The following SP140L variants were observed in gnomAD, a reference collection of about 807,000 sequenced individuals.
SP140L encodes nuclear body protein SP140-like protein.
Under a neutral mutation model 84.3 loss-of-function variants are expected in SP140L, and 64 were observed. The ratio of observed to expected loss-of-function variants is 0.76; its 90% CI spans 0.62 to 0.94. The LOEUF (loss-of-function observed/expected upper bound fraction) is 0.94, where lower values mean the gene tolerates loss of function less well. Ranked by LOEUF, SP140L falls within the 40% of genes least tolerant of loss-of-function variation. SP140L has a pLI of 0.00. For missense variants in SP140L, 628 were observed against 692.5 expected (o/e 0.91, Z 1.05); for synonymous variants, 242 against 236.9 (o/e 1.02, Z -0.20).
At chr2:230,368,526 C>A (rs571838509) in intron 5 of SP140L, among the ~76,000 whole-genome samples, 2 of 152,264 alleles carry the variant, frequency 1.3e-5, no homozygotes, top group African/African-American at 4.8e-5. Context: ...ATGCTATTAT[C>A]TCTTTAAATA....
intron 13 of SP140L, among the ~76,000 whole-genome samples, chr2:230,393,750 G>C (rs1302198047): frequency 6.6e-6 from 1 of 152,154 alleles, no homozygotes; most frequent in Admixed American, 6.6e-5. Context: ...TGTTGTAAGA[G>C]TGTCAAAGTT....
intron 9 of SP140L, among the ~76,000 whole-genome samples, chr2:230,388,196 A>T (rs946569342): frequency 6.6e-6 from 1 of 152,194 alleles, no homozygotes; most frequent in South Asian, 2.1e-4. Context: ...TGTTTAACAT[A>T]TATTATATGC....
At chr2:230,385,343 G>A (rs758900274) in intron 9 of SP140L, 39 bp downstream of exon 9, 3 of 1,590,564 alleles carry the variant, frequency 1.9e-6, no homozygotes, top group Non-Finnish European at 1.7e-6. Flanking sequence ...TTGCCCTGCA[G>A]GTCAATGCAC....
intron 1 of SP140L, among the ~76,000 whole-genome samples, chr2:230,328,083 G>A (rs4972947): frequency 0.27 from 41,597 of 151,882 alleles, 6,481 homozygotes; most frequent in East Asian, 0.58. Flanking sequence ...TTTGAGACAG[G>A]GTCTCACTCT....
chr2:230,400,605 T>A, intron 15 of SP140L: 1 of 506,534 alleles, frequency 2.0e-6, no homozygotes, highest in Non-Finnish European at 3.6e-6. Flanking sequence ...GGAAGCACGG[T>A]CTTAGGCGGA....
Position 230,357,839 on chromosome 2 carries a change from C to T in SP140L, c.142C>T (p.Leu48Phe). The change falls in exon 3 of 19, where the codon CTT becomes TTT. Residue 48 changes from leucine to phenylalanine, a missense_variant. Physicochemically the swap from Leu to Phe is conservative, Grantham distance 22 (BLOSUM62 0). This residue lies in a region of SP140L where 525 missense variants were observed against 518.4 expected (regional missense o/e 1.01). Coordinates refer to ENST00000415673, the MANE Select transcript of SP140L (RefSeq NM_138402.6). The stretch of plus-strand genomic sequence containing the variant: ...GGAAGACCAGGATGTAGATGAGGGA[C>T]TTGTCTATGACACTGTATTCAAGCA... ...FTEDQDVDEG[L>F]VYDTVFKHFK... 3 of 1,613,382 alleles carry T rather than the reference C, an allele frequency of 1.9e-6. No individual in the cohort carries two copies. Among genetic ancestry groups the T allele is most frequent in the Non-Finnish European group, 1.7e-6 (2 of 1,179,758 alleles).
At chr2:230,327,976 G>A (rs757963675) in intron 1 of SP140L, among the ~76,000 whole-genome samples, 1 of 152,196 alleles carries the variant, frequency 6.6e-6, no homozygotes, top group African/African-American at 2.4e-5. Flanking sequence ...CCAAGATGGG[G>A]GATGCCTCTG....
chr2:230,398,835 C>T (rs1364258115), intron 14 of SP140L, among the ~76,000 whole-genome samples: 1 of 152,228 alleles, frequency 6.6e-6, no homozygotes, highest in Non-Finnish European at 1.5e-5. Context: ...GGAGGGTGGG[C>T]TGTCCCCGGC....
chr2:230,364,624 C>G (rs1370643807), intron 5 of SP140L, among the ~76,000 whole-genome samples: 2 of 152,020 alleles, frequency 1.3e-5, no homozygotes, highest in Non-Finnish European at 2.9e-5. Flanking sequence ...CTTTGGATGT[C>G]TTTTATTTCT....
intron 2 of SP140L, 59 bp from the exon 3 acceptor site, chr2:230,357,746 T>C (rs945813151): frequency 5.2e-6 from 8 of 1,537,820 alleles, no homozygotes; most frequent in Non-Finnish European, 7.1e-6. Context: ...AATCTTACCA[T>C]CTCCACAAAC....
chr2:230,333,404 C>T (rs529358534), intron 2 of SP140L, among the ~76,000 whole-genome samples: 41 of 152,134 alleles, frequency 2.7e-4, no homozygotes, highest in Non-Finnish European at 5.9e-4. Flanking sequence ...ATGATCCACT[C>T]GCTTCGGCCT....
chr2:230,365,189 C>A (rs1035559415), intron 5 of SP140L, among the ~76,000 whole-genome samples: 41 of 152,020 alleles, frequency 2.7e-4, no homozygotes, highest in African/African-American at 9.4e-4. Flanking sequence ...TACAAATAGA[C>A]CCCTTATTCA....
intron 2 of SP140L, among the ~76,000 whole-genome samples, chr2:230,336,030 A>G (rs1322486412): frequency 6.6e-6 from 1 of 152,250 alleles, no homozygotes; most frequent in African/African-American, 2.4e-5. Context: ...ACAGATAAGC[A>G]TAATGAAGGT....
At chr2:230,367,017 C>T (rs1346079250) in intron 5 of SP140L, among the ~76,000 whole-genome samples, 1 of 151,952 alleles carries the variant, frequency 6.6e-6, no homozygotes, top group Non-Finnish European at 1.5e-5. Flanking sequence ...CGTGAGCCAC[C>T]ATGCCCAGCC....
chr2:230,402,421 G>A (rs1343020798), intron 18 of SP140L, among the ~76,000 whole-genome samples: 2 of 152,158 alleles, frequency 1.3e-5, no homozygotes, highest in Non-Finnish European at 2.9e-5. Flanking sequence ...GGTGAGAAAC[G>A]GAAGTTACTC....
intron 2 of SP140L, among the ~76,000 whole-genome samples, chr2:230,332,261 G>A (rs1431069189): frequency 3.3e-5 from 5 of 152,136 alleles, no homozygotes; most frequent in Non-Finnish European, 7.4e-5. Flanking sequence ...CATACATAGA[G>A]AGATTAAAAT....
chr2:230,389,264 C>T (rs537770258), intron 10 of SP140L, among the ~76,000 whole-genome samples: 1 of 152,166 alleles, frequency 6.6e-6, no homozygotes, highest in Non-Finnish European at 1.5e-5. Flanking sequence ...GGATTAGCTG[C>T]TCATCCTCCT....
chr2:230,397,116 G>A (rs764475477), intron 14 of SP140L, among the ~76,000 whole-genome samples: 1 of 152,232 alleles, frequency 6.6e-6, no homozygotes, highest in African/African-American at 2.4e-5. Context: ...AGTGGTAATG[G>A]ATAGGGCTGG....
At chr2:230,354,784 G>A in intron 2 of SP140L, among the ~76,000 whole-genome samples, 1 of 142,570 alleles carries the variant, frequency 7.0e-6, no homozygotes, top group Non-Finnish European at 1.5e-5. Flanking sequence ...GAAAGAAGGG[G>A]TGGGGGCGGG....
Sources: gnomAD v4.1 joint callset for allele counts (sites outside exome capture counted in the v4.1 genomes callset) on GRCh38, gnomAD v4.1.1 for gene constraint, gnomAD v4.1.1 regional missense constraint, MANE v1.5 for transcripts, NCBI Gene and HGNC (gene_info 2026-07-23, HGNC 2026-07-21) for gene names.